JADE1: variants seen among roughly 807,000 people sequenced by gnomAD.
JADE1 encodes jade family PHD finger 1, also known as protein Jade-1.
JADE1 carries 14 observed loss-of-function variants against 81.8 expected under a neutral mutation model. The ratio of observed to expected loss-of-function variants is 0.17; its 90% confidence interval spans 0.11 to 0.27. The LOEUF (loss-of-function observed/expected upper bound fraction) is 0.27, where lower values mean the gene tolerates loss of function less well. Ranked by LOEUF, JADE1 falls within the 10% of genes least tolerant of loss-of-function variation. JADE1 has a pLI of 1.00. For synonymous variants in JADE1, 353 were observed against 391.9 expected (o/e 0.90, Z 1.17); for missense variants, 690 against 1,047.9 (o/e 0.66, Z 4.71).
At position 128,819,469 on chromosome 4, in the gene JADE1, C is replaced by CG. The variant is rs35890962; in HGVS notation, c.-27+9599dup. ...TACCTTGGTCATCTCTCACACCCTCCGGGGGGGTCAAGCTAAGAAGACCTG... is the reference window on the plus strand; with the variant it reads ...TACCTTGGTCATCTCTCACACCCTCCGGGGGGGGTCAAGCTAAGAAGACCTG... On this transcript the variant is annotated intron_variant, in intron 1 of 10. Coordinates refer to ENST00000226319, the MANE Select transcript of JADE1 (RefSeq NM_199320.4). Among the ~76,000 whole-genome samples the CG allele has an allele frequency of 9.2e-5, 14 of 152,060 alleles. No homozygotes were observed. In the East Asian group the frequency reaches 1.2e-3, roughly 13 times the overall value.
At chr4:128,829,633 T>A (rs998901688) in intron 1 of JADE1, among the ~76,000 whole-genome samples, 1 of 152,134 alleles carries the variant, frequency 6.6e-6, no homozygotes, top group Admixed American at 6.5e-5. Flanking sequence ...CAAACTTCAC[T>A]GATGTTGATA....
chr4:128,872,104 A>G lies in JADE1; in HGVS notation c.2371A>G (p.Lys791Glu). The G allele has an allele frequency of 6.2e-7, 1 of 1,614,204 alleles. No individual in the cohort carries two copies. The highest frequency in any genetic ancestry group is 1.1e-5 in the South Asian group (1 of 91,086). The change falls in exon 11 of 11, where the codon AAA becomes GAA. Residue 791 changes from lysine to glutamate, a missense_variant. Lys to Glu is a moderately conservative substitution (Grantham distance 56, BLOSUM62 1). Around this residue, in one of 8 missense-constraint regions of JADE1, gnomAD observed 218 missense variants for 274.3 expected, o/e 0.79. Coordinates refer to ENST00000226319, the MANE Select transcript of JADE1 (RefSeq NM_199320.4). The part of the protein sequence containing the change: ...LGRVPAKERA[K>E]SKLKSDNEND... ...CCGAGTTCCAGCCAAGGAAAGGGCA[A>G]AAAGCAAATTAAAATCCGACAATGA... is the stretch of plus-strand genomic sequence containing the variant.
At position 128,858,585 on chromosome 4, in the gene JADE1, TG is replaced by T. The variant is rs113789078; in HGVS notation, c.981+1134del. Among the ~76,000 whole-genome samples the T allele has an allele frequency of 5.6e-3, 826 of 148,682 alleles. 12 individuals carry two copies. The highest frequency in any genetic ancestry group is 0.019 in the African/African-American group (773 of 41,168). On this transcript the variant is annotated intron_variant, in intron 8 of 10. Transcript: ENST00000226319. ...TGTATTTTGACTGATAAATACTTTTTGGGAAGGTGGTTTTAAAATTTTTTTT... is the reference window on the plus strand; with the variant it reads ...TGTATTTTGACTGATAAATACTTTTTGGAAGGTGGTTTTAAAATTTTTTTT...
At chr4:128,812,941 A>T (rs972653873) in intron 1 of JADE1, among the ~76,000 whole-genome samples, 3 of 152,240 alleles carry the variant, frequency 2.0e-5, no homozygotes, top group African/African-American at 7.2e-5. Context: ...CATTAATGGG[A>T]ATGCTTAGGG....
intron 1 of JADE1, among the ~76,000 whole-genome samples, chr4:128,819,919 G>T (rs1727403157): frequency 6.6e-6 from 1 of 152,114 alleles, no homozygotes; most frequent in Admixed American, 6.5e-5. Context: ...CACCCACCTG[G>T]GGAACTGGTC....
At chr4:128,850,239 G>T (rs183812549) in intron 5 of JADE1, among the ~76,000 whole-genome samples, 1 of 151,810 alleles carries the variant, frequency 6.6e-6, no homozygotes, top group Admixed American at 6.6e-5. Context: ...AGTCACTTGA[G>T]GGGGTGGAGG....
At chr4:128,868,702 C>T (rs572484499) in intron 10 of JADE1, among the ~76,000 whole-genome samples, 2 of 152,262 alleles carry the variant, frequency 1.3e-5, no homozygotes, top group East Asian at 3.9e-4. Flanking sequence ...AATCAAGACC[C>T]CTTAAGTGCA....
At chr4:128,826,634 C>T (rs1285314053) in intron 1 of JADE1, among the ~76,000 whole-genome samples, 3 of 151,388 alleles carry the variant, frequency 2.0e-5, no homozygotes, top group African/African-American at 7.3e-5. Context: ...CTATTGCATG[C>T]AGATAATATG....
chr4:128,820,559 A>G (rs1271946225), intron 1 of JADE1, among the ~76,000 whole-genome samples: 1 of 152,210 alleles, frequency 6.6e-6, no homozygotes, highest in East Asian at 1.9e-4. Context: ...CCATGATCAT[A>G]ATAACGAGGC....
intron 1 of JADE1, among the ~76,000 whole-genome samples, chr4:128,829,922 G>A (rs970205230): frequency 1.3e-5 from 2 of 151,620 alleles, no homozygotes; most frequent in Non-Finnish European, 2.9e-5. Context: ...GTGTCACATA[G>A]GCTGGAGTGC....
intron 1 of JADE1, among the ~76,000 whole-genome samples, chr4:128,812,721 C>T (rs1333697505): frequency 6.6e-6 from 1 of 152,262 alleles, no homozygotes; most frequent in Non-Finnish European, 1.5e-5. Context: ...AATGCGTCGT[C>T]ATCCGGAGAC....
intron 1 of JADE1, among the ~76,000 whole-genome samples, chr4:128,824,977 C>T (rs1278233399): frequency 6.6e-6 from 1 of 152,098 alleles, no homozygotes; most frequent in Non-Finnish European, 1.5e-5. Context: ...TTCCTCAAAT[C>T]AGTCCTTGTT....
At chr4:128,809,982 ACGGCGGCGGCGGCGGCGG>A (rs778572627) in intron 1 of JADE1, 105 bp downstream of exon 1, 76 of 159,482 alleles carry the variant, frequency 4.8e-4, no homozygotes, top group Admixed American at 9.3e-4. Context: ...CGCGGCGGCG[ACGGCGGCGGCGGCGGCGG>A]CGGCTGCAGG....
At chr4:128,837,649 T>C (rs1270194253) in intron 2 of JADE1, among the ~76,000 whole-genome samples, 1 of 152,236 alleles carries the variant, frequency 6.6e-6, no homozygotes, top group Non-Finnish European at 1.5e-5. Flanking sequence ...AGTACAAGGC[T>C]AGCTTGGCTT....
At chr4:128,835,231 T>C (rs1299070439) in intron 2 of JADE1, among the ~76,000 whole-genome samples, 1 of 152,248 alleles carries the variant, frequency 6.6e-6, no homozygotes, top group African/African-American at 2.4e-5. Flanking sequence ...CCTTTTGTCA[T>C]ACAGCTGGTT....
chr4:128,830,648 T>C (rs1728475244), intron 1 of JADE1, among the ~76,000 whole-genome samples: 1 of 152,230 alleles, frequency 6.6e-6, no homozygotes, highest in Non-Finnish European at 1.5e-5. Flanking sequence ...TACCATACTT[T>C]TTCTCACTTG....
chr4:128,862,913 T>TGTGCGC lies in JADE1; in HGVS notation c.1503+689_1503+690insTGCGCG, dbSNP rs1389608869. 9 of 983,334 alleles carry TGTGCGC rather than the reference T, an allele frequency of 9.2e-6. No homozygotes were observed. In the East Asian group the frequency reaches 9.2e-4, roughly 100 times the overall value. The allele number at this position is 983,334 out of a possible 1,614,324, so 60.9% of individuals were successfully genotyped here. On this transcript the variant is annotated intron_variant, in intron 9 of 10. Coordinates refer to ENST00000226319, the MANE Select transcript of JADE1 (RefSeq NM_199320.4). ...CTGAGGCTGTGTGTGTGTGTGTGTG[T>TGTGCGC]GCGCGTGCCCGTGTCCATCCATGTC... is the stretch of plus-strand genomic sequence containing the variant.
In JADE1 at chr4:128,871,448, T is replaced by C; in HGVS notation, c.1715T>C (p.Leu572Ser). The change falls in exon 11 of 11, where the codon TTG (leucine) becomes TCG (serine). Residue 572 changes from leucine (L) to serine (S), a missense_variant. Physicochemically the swap from Leu to Ser is moderately radical, Grantham distance 145. Coordinates refer to ENST00000226319, the MANE Select transcript of JADE1 (RefSeq NM_199320.4). This position sits in a 1 kb window ranked among gnomAD's most constrained non-coding sequence, Gnocchi z 4.1. ...CCTGATGCTCCCAAGATAGAGGACT[T>C]GAAGTGGCATTCTGCATTCTTCAGA... ...VGPDAPKIED[L>S]KWHSAFFRKQ... The C allele has an allele frequency of 6.2e-7, 1 of 1,614,228 alleles. No individual in the cohort carries two copies. The highest frequency in any genetic ancestry group is 8.5e-7 in the Non-Finnish European group (1 of 1,180,040).
Position 128,833,003 on chromosome 4 carries a change from A to G in JADE1, c.52+1193A>G, listed in dbSNP as rs1384256495. Reference sequence around the variant, plus strand: ...GAGTGTCAGGTGTGAAGGGCTTGCAATGAGGACCTCTAAGGAATTGAGAGT... The same window carrying G: ...GAGTGTCAGGTGTGAAGGGCTTGCAGTGAGGACCTCTAAGGAATTGAGAGT... On this transcript the variant is annotated intron_variant, in intron 2 of 10. Transcript: ENST00000226319. Among the ~76,000 whole-genome samples, 18 of 152,266 alleles carry G rather than the reference A, an allele frequency of 1.2e-4. No homozygotes were observed. The East Asian group carries it at 1.4e-3, about 11-fold the overall frequency.
Sources: gnomAD v4.1 joint callset for allele counts (sites outside exome capture counted in the v4.1 genomes callset) on GRCh38, gnomAD v4.1.1 for gene constraint, gnomAD v4.1.1 regional missense constraint, Gnocchi (gnomAD v3.1) non-coding constraint, MANE v1.5 for transcripts, NCBI Gene and HGNC (gene_info 2026-07-23, HGNC 2026-07-21) for gene names.